GPC5: variants seen among roughly 807,000 people sequenced by gnomAD.
GPC5 encodes the protein glypican 5.
In GPC5, 47 loss-of-function variants were observed where a neutral mutation model predicts 53.9. That is an observed-to-expected ratio of 0.87 (90% CI 0.69 to 1.11). The LOEUF is 1.11. Ranked by LOEUF, GPC5 falls within the 50% of genes most tolerant of loss-of-function variation. The pLI is 0.00. For synonymous variants in GPC5, 286 were observed against 263.3 expected, an observed-to-expected ratio of 1.09 and a Z score of -0.84; for missense variants, 748 against 713.1, an observed-to-expected ratio of 1.05 and a Z score of -0.56.
intron 6 of GPC5, among the ~76,000 whole-genome samples, chr13:92,090,859 CA>C (rs929531512): frequency 1.3e-5 from 2 of 152,050 alleles, no homozygotes; most frequent in African/African-American, 2.4e-5. Flanking sequence ...TCAAAATATC[CA>C]AAAAATTTTT....
chr13:92,860,235 G>A (rs1879136250), intron 7 of GPC5, among the ~76,000 whole-genome samples: 1 of 152,036 alleles, frequency 6.6e-6, no homozygotes, highest in Non-Finnish European at 1.5e-5. Context: ...ATCAAAAAGA[G>A]AACTATATCT....
intron 7 of GPC5, among the ~76,000 whole-genome samples, chr13:92,812,842 T>G (rs1191008170): frequency 6.6e-6 from 1 of 151,904 alleles, no homozygotes; most frequent in Non-Finnish European, 1.5e-5. Flanking sequence ...AATTAAGATT[T>G]TTATTTGTAT....
Position 91,721,063 on chromosome 13 carries a change from CCCTTTCTTTCTTTCTTTCTTTCTT to C in GPC5, c.1021-7468_1021-7445del, listed in dbSNP as rs1190695104. Among the ~76,000 whole-genome samples, 89 of 147,304 alleles carry C rather than the reference CCCTTTCTTTCTTTCTTTCTTTCTT, an allele frequency of 6.0e-4. 2 individuals carry two copies. Among genetic ancestry groups the C allele is most frequent in the Non-Finnish European group, 1.2e-3 (81 of 66,802 alleles). On this transcript the variant is annotated intron_variant, in intron 3 of 7. Transcript: ENST00000377067. The stretch of plus-strand genomic sequence containing the variant: ...TGTCCATTTTCTTTCTTCCTTCCTT[CCCTTTCTTTCTTTCTTTCTTTCTT>C]TCTTTCTTTCTTTCTTTCTTTCTTT...
chr13:92,602,970 T>C (rs1030172015), intron 7 of GPC5, among the ~76,000 whole-genome samples: 2 of 152,090 alleles, frequency 1.3e-5, no homozygotes, highest in African/African-American at 4.8e-5. Context: ...CAGGACAAAA[T>C]TGATTCCTCC....
At chr13:92,776,525 G>A (rs1451559436) in intron 7 of GPC5, among the ~76,000 whole-genome samples, 1 of 152,200 alleles carries the variant, frequency 6.6e-6, no homozygotes, top group Non-Finnish European at 1.5e-5. Context: ...CTGGGGATAA[G>A]GGTGTAAATC....
intron 5 of GPC5, among the ~76,000 whole-genome samples, chr13:91,808,874 T>A (rs2038265816): frequency 6.6e-6 from 1 of 152,174 alleles, no homozygotes; most frequent in Non-Finnish European, 1.5e-5. Flanking sequence ...GTGCTAGCAT[T>A]GTTTCACATC....
intron 1 of GPC5, among the ~76,000 whole-genome samples, chr13:91,403,134 G>C (rs1024618516): frequency 6.6e-6 from 1 of 152,210 alleles, no homozygotes; most frequent in Non-Finnish European, 1.5e-5. Flanking sequence ...TTTGAACAAC[G>C]TGTTTGTGGG....
At chr13:92,214,287 A>T (rs908713624) in intron 7 of GPC5, among the ~76,000 whole-genome samples, 3 of 152,224 alleles carry the variant, frequency 2.0e-5, no homozygotes, top group African/African-American at 2.4e-5. Context: ...ATGACTTTAA[A>T]GTCAAAAAAG....
intron 1 of GPC5, among the ~76,000 whole-genome samples, chr13:91,432,878 A>T (rs1359678056): frequency 3.3e-5 from 5 of 152,176 alleles, no homozygotes; most frequent in Non-Finnish European, 7.3e-5. Flanking sequence ...TCTTATATAT[A>T]TTTAAAATGA....
intron 7 of GPC5, among the ~76,000 whole-genome samples, chr13:92,663,883 TATATATATATATATATATATAC>T (rs1160362763): frequency 5.3e-5 from 5 of 95,184 alleles, no homozygotes; most frequent in South Asian, 3.3e-4. Flanking sequence ...TATATATATA[TATATATATATATATATATATAC>T]ACACACACAC....
intron 7 of GPC5, among the ~76,000 whole-genome samples, chr13:92,208,016 T>A (rs1197451557): frequency 1.3e-5 from 2 of 152,296 alleles, no homozygotes; most frequent in South Asian, 2.1e-4. Flanking sequence ...CTGTCGTTCT[T>A]GTTAGCAGAC....
chr13:91,701,802 A>G (rs1454315211), intron 3 of GPC5, among the ~76,000 whole-genome samples: 3 of 152,004 alleles, frequency 2.0e-5, no homozygotes, highest in African/African-American at 7.2e-5. Context: ...TATCTTTTCG[A>G]TGTATACCCA....
chr13:92,525,407 A>C (rs962851747), intron 7 of GPC5, among the ~76,000 whole-genome samples: 1 of 150,216 alleles, frequency 6.7e-6, no homozygotes, highest in Admixed American at 6.7e-5. Context: ...AACTGGGAGA[A>C]TCAAAATGAA....
intron 2 of GPC5, among the ~76,000 whole-genome samples, chr13:91,455,376 A>G (rs926886268): frequency 2.6e-5 from 4 of 152,146 alleles, no homozygotes; most frequent in Non-Finnish European, 5.9e-5. Flanking sequence ...AAGTATTGTC[A>G]GAATTTTAAA....
intron 7 of GPC5, among the ~76,000 whole-genome samples, chr13:92,374,596 C>A (rs998225589): frequency 6.6e-6 from 1 of 150,708 alleles, no homozygotes; most frequent in Non-Finnish European, 1.5e-5. Context: ...AGTAAACTAT[C>A]GCAAGAACAC....
At chr13:92,135,275 T>C (rs754244234) in intron 6 of GPC5, among the ~76,000 whole-genome samples, 12 of 152,188 alleles carry the variant, frequency 7.9e-5, no homozygotes, top group Non-Finnish European at 1.3e-4. Context: ...CATATAGATG[T>C]TTCACAAGAG....
chr13:92,373,910 T>G (rs958405826), intron 7 of GPC5, among the ~76,000 whole-genome samples: 1 of 152,208 alleles, frequency 6.6e-6, no homozygotes, highest in Admixed American at 6.5e-5. Context: ...TGATAAATAA[T>G]TCATAGTAAT....
rs188583962 is a variant in GPC5, at chr13:92,590,665, A to G, written c.1562-275617A>G. ...CTCCTCCGTCAATTCAAGTTTTATG[A>G]TAAAGATCTCAGCCCACGTTGTTAT... On this transcript the variant is annotated intron_variant, in intron 7 of 7. Transcript: ENST00000377067. 1.2e-4 allele frequency among the ~76,000 whole-genome samples: 18 copies of G among 152,332 alleles called. No individual in the cohort carries two copies. In the East Asian group the frequency reaches 3.5e-3, roughly 29 times the overall value.
intron 7 of GPC5, among the ~76,000 whole-genome samples, chr13:92,221,326 T>A (rs1204131857): frequency 1.3e-5 from 2 of 152,228 alleles, no homozygotes; most frequent in Non-Finnish European, 2.9e-5. Context: ...TATTGCTTTG[T>A]CTTATCATAT....
Sources: gnomAD v4.1 joint callset for allele counts (sites outside exome capture counted in the v4.1 genomes callset) on GRCh38, gnomAD v4.1.1 for gene constraint, MANE v1.5 for transcripts, NCBI Gene and HGNC (gene_info 2026-07-23, HGNC 2026-07-21) for gene names.